Variants in ZC3H4 observed in about 807,000 individuals in gnomAD.
ZC3H4 encodes zinc finger CCCH-type containing 4.
A neutral mutation model predicts 108.3 loss-of-function variants in ZC3H4; 13 were observed. The observed-to-expected ratio is 0.12, with a 90% CI of 0.08 to 0.19. The LOEUF is 0.19. ZC3H4 is among the 10% of genes least tolerant of loss of function. ZC3H4 has a pLI of 1.00. For missense variants in ZC3H4, 1,734 were observed against 1,838.8 expected, an observed-to-expected ratio of 0.94 and a Z score of 1.04; for synonymous variants, 917 against 749.6, an observed-to-expected ratio of 1.22 and a Z score of -3.65.
chr19:47,072,502 G>T lies in ZC3H4; in HGVS notation c.1652C>A (p.Pro551Gln). 7.2e-7 allele frequency: 1 copy of T among 1,390,750 alleles called. No individual in the cohort carries two copies. Among genetic ancestry groups the T allele is most frequent in the Non-Finnish European group, 9.8e-7 (1 of 1,024,156 alleles). The allele number at this position is 1,390,750 out of a possible 1,614,324, so 86.2% of individuals were successfully genotyped here. Residue 551 changes from proline (P) to glutamine (Q), a missense_variant, in exon 12 of 15, where the codon CCG becomes CAG. Transcript: ENST00000253048. The surrounding 1 kb of genome is among the most constrained non-coding windows in gnomAD (Gnocchi z 5.6). ...CATGGGCATCTGAGGGGGCCCGGGCGGTGGGGGAGGGGGAGGGGGCGGGGG... is the reference window on the plus strand; with the variant it reads ...CATGGGCATCTGAGGGGGCCCGGGCTGTGGGGGAGGGGGAGGGGGCGGGGG... ...PPPPPPPPPP[P>Q]PGPPQMPMPV... is the part of the protein sequence containing the mutation.
At chr19:47,110,950 G>T in intron 2 of ZC3H4, 1 of 984,384 alleles carries the variant, frequency 1.0e-6, no homozygotes, top group Non-Finnish European at 1.2e-6. Flanking sequence ...AAAAGGCAAA[G>T]TATGGTCTGT....
chr19:47,085,338 G>C lies in ZC3H4; in HGVS notation c.947C>G (p.Ser316Cys). The C allele has an allele frequency of 6.2e-7, 1 of 1,601,240 alleles. No individual in the cohort carries two copies. Among genetic ancestry groups the C allele is most frequent in the South Asian group, 1.1e-5 (1 of 89,398 alleles). ...CCCACCTCGGCCTCGGCTGTCCTTGGAGCGGCGGTACTGGTTCAGCTCCTT... is the reference window on the plus strand; with the variant it reads ...CCCACCTCGGCCTCGGCTGTCCTTGCAGCGGCGGTACTGGTTCAGCTCCTT... Reference protein sequence around the residue: ...YSKELNQYRRSKDSRGRGLSR... With the variant: ...YSKELNQYRRCKDSRGRGLSR... Residue 316 changes from serine (S) to cysteine (C), a missense_variant, in exon 7 of 15, where the codon TCC becomes TGC. Coordinates refer to ENST00000253048, the MANE Select transcript of ZC3H4 (RefSeq NM_015168.2).
chr19:47,109,352 A>T (rs892981055), intron 2 of ZC3H4, among the ~76,000 whole-genome samples: 4 of 152,354 alleles, frequency 2.6e-5, no homozygotes, highest in South Asian at 4.1e-4. Context: ...TTGCTAAAAA[A>T]TTTCACTTAC....
At chr19:47,106,686 G>A (rs1411969342) in intron 2 of ZC3H4, among the ~76,000 whole-genome samples, 1 of 152,242 alleles carries the variant, frequency 6.6e-6, no homozygotes, top group African/African-American at 2.4e-5. Flanking sequence ...CACAGAGGAA[G>A]GGAATACGAA....
At position 47,082,136 on chromosome 19, in the gene ZC3H4, AG is replaced by A. The variant is rs1241582129; in HGVS notation, c.1330+47del. On this transcript the variant is annotated intron_variant, in intron 10 of 14. Transcript: ENST00000253048. ...TGTTACTACCACCATCAAGGAGCAG[AG>A]AAGTTCTGCGCCCTCATTCAGACCA... 4 of 1,467,210 alleles carry A rather than the reference AG, an allele frequency of 2.7e-6. No individual in the cohort carries two copies. The South Asian group carries it at 4.5e-5, about 17-fold the overall frequency. 90.9% of individuals were successfully genotyped at this position (1,467,210 alleles called of 1,614,324 possible). A position where few individuals can be genotyped will look rare whatever the true frequency, so the allele number is the denominator to read the frequency against.
chr19:47,074,231 T>A (rs1267008965), intron 11 of ZC3H4, among the ~76,000 whole-genome samples: 1 of 152,206 alleles, frequency 6.6e-6, no homozygotes, highest in African/African-American at 2.4e-5. Flanking sequence ...CTGTCCAGTC[T>A]CCTGTATTCA....
chr19:47,089,436 C>T (rs1389515518), intron 5 of ZC3H4, among the ~76,000 whole-genome samples: 1 of 152,058 alleles, frequency 6.6e-6, no homozygotes, highest in Non-Finnish European at 1.5e-5. Flanking sequence ...CTCGGCCTCC[C>T]AAAGTGCTGG....
chr19:47,065,028 G>A lies in ZC3H4; in HGVS notation c.*1328C>T, dbSNP rs1001086196. On this transcript the variant is annotated 3_prime_UTR_variant, in exon 15 of 15. Transcript: ENST00000253048. ...GCAGCCACAAGCACACACTTCCTGA[G>A]GCCCCTCAAGTGGCCCAGAGGCAGG... The A allele has an allele frequency of 1.3e-5, 2 of 152,350 alleles. No individual in the cohort carries two copies. The highest frequency in any genetic ancestry group is 2.9e-5 in the Non-Finnish European group (2 of 68,186). The allele number at this position is 152,350 out of a possible 1,614,324, so 9.4% of individuals were successfully genotyped here.
In ZC3H4 at chr19:47,104,260, A is replaced by G. The variant is rs377649807; in HGVS notation, c.161+8164T>C. Among the ~76,000 whole-genome samples the G allele has an allele frequency of 3.3e-5, 5 of 152,234 alleles. No homozygotes were observed. In the East Asian group the frequency reaches 5.8e-4, roughly 18 times the overall value. On this transcript the variant is annotated intron_variant, in intron 2 of 14. Coordinates refer to ENST00000253048, the MANE Select transcript of ZC3H4 (RefSeq NM_015168.2). Reference sequence around the variant, plus strand: ...CTTGAACCCAGGAGGCAGAGGTTGCAGTGAGCTGAGATCATGCCATTGCAC... The same window carrying G: ...CTTGAACCCAGGAGGCAGAGGTTGCGGTGAGCTGAGATCATGCCATTGCAC...
In ZC3H4 at chr19:47,096,391, C is replaced by T. The variant is rs188402901; in HGVS notation, c.162-1783G>A. Among the ~76,000 whole-genome samples, 243 of 152,320 alleles carry T rather than the reference C, an allele frequency of 1.6e-3. 2 individuals carry two copies. The highest frequency in any genetic ancestry group is 5.4e-3 in the African/African-American group (223 of 41,568). Reference sequence around the variant, plus strand: ...AGGGAGGTGCCTTCCCGCTGGGGTGCGGCCCACAGAAACCAGGCGTGGAGC... The same window carrying T: ...AGGGAGGTGCCTTCCCGCTGGGGTGTGGCCCACAGAAACCAGGCGTGGAGC... On this transcript the variant is annotated intron_variant, in intron 2 of 14. Coordinates refer to ENST00000253048, the MANE Select transcript of ZC3H4 (RefSeq NM_015168.2).
At chr19:47,075,960 C>A (rs2057410680) in intron 11 of ZC3H4, among the ~76,000 whole-genome samples, 1 of 152,144 alleles carries the variant, frequency 6.6e-6, no homozygotes, top group Non-Finnish European at 1.5e-5. Context: ...CAACTAGCAC[C>A]CCGCTAGGTG....
intron 2 of ZC3H4, among the ~76,000 whole-genome samples, chr19:47,104,312 C>G (rs1198330169): frequency 6.6e-6 from 1 of 151,980 alleles, no homozygotes; most frequent in Non-Finnish European, 1.5e-5. Flanking sequence ...GAGTAAGACT[C>G]TGTCTAAAAT....
intron 5 of ZC3H4, 76 bp from the exon 6 acceptor site, chr19:47,086,614 G>T: frequency 6.7e-7 from 1 of 1,486,122 alleles, no homozygotes; most frequent in Non-Finnish European, 8.9e-7. Context: ...CCCACATTTT[G>T]CTCCTGAGGT....
intron 11 of ZC3H4, among the ~76,000 whole-genome samples, chr19:47,078,846 G>A (rs1354230936): frequency 6.6e-6 from 1 of 151,956 alleles, no homozygotes; most frequent in South Asian, 2.1e-4. Context: ...GCGAAAGAGT[G>A]AAACTCCGTC....
intron 4 of ZC3H4, among the ~76,000 whole-genome samples, chr19:47,092,316 TAGC>T (rs1232861938): frequency 6.6e-6 from 1 of 152,210 alleles, no homozygotes; most frequent in African/African-American, 2.4e-5. Flanking sequence ...ACAAGTACTT[TAGC>T]AGATCTTTAA....
At position 47,066,494 on chromosome 19, in the gene ZC3H4, C is replaced by G; in HGVS notation, c.3774G>C (p.Thr1258=). Residue 1258 remains threonine, a synonymous_variant, in exon 15 of 15, where the codon ACG becomes ACC. Coordinates refer to ENST00000253048, the MANE Select transcript of ZC3H4 (RefSeq NM_015168.2). ...AGCCCGTCTTGGGTGTCTGCTTCAC[C>G]GTCCCGAAGAGGGTGGGCACGGGCA... ...HNLPVPTLFG[T]VKQTPKTGSG... is the part of the protein sequence containing the mutation. 6.3e-7 allele frequency: 1 copy of G among 1,580,314 alleles called. No homozygotes were observed. The highest frequency in any genetic ancestry group is 8.6e-7 in the Non-Finnish European group (1 of 1,161,976).
chr19:47,104,028 G>A (rs1400671024), intron 2 of ZC3H4, among the ~76,000 whole-genome samples: 2 of 150,854 alleles, frequency 1.3e-5, no homozygotes, highest in African/African-American at 4.9e-5. Flanking sequence ...ACCACCTAAA[G>A]AATTTCTTAG....
rs2057786505 is a variant in ZC3H4 at position 47,094,312 on chromosome 19, A to G, written c.381+77T>C. 12 of 1,524,198 alleles carry G rather than the reference A, an allele frequency of 7.9e-6. No homozygotes were observed. The South Asian group carries it at 1.1e-4, about 14-fold the overall frequency. 94.4% of individuals were successfully genotyped at this position (1,524,198 alleles called of 1,614,324 possible). ...ATTAAGAGTGCCCTCTGGGGTGGAC[A>G]GCAAAAGCTCAGCCCCTGGGGCTCT... On this transcript the variant is annotated intron_variant, in intron 3 of 14. Transcript: ENST00000253048.
intron 2 of ZC3H4, among the ~76,000 whole-genome samples, chr19:47,097,156 G>A (rs1039475799): frequency 6.6e-6 from 1 of 152,188 alleles, no homozygotes; most frequent in Non-Finnish European, 1.5e-5. Flanking sequence ...ACAAAGACCT[G>A]AGCCAAAGAG....
Sources: allele counts gnomAD v4.1 joint callset (sites outside exome capture counted in the v4.1 genomes callset), GRCh38; gene constraint gnomAD v4.1.1; non-coding constraint Gnocchi (gnomAD v3.1); transcripts MANE v1.5; gene names NCBI Gene and HGNC (gene_info 2026-07-23, HGNC 2026-07-21).